RYR3: variants seen among roughly 807,000 people sequenced by gnomAD.
RYR3 encodes brain ryanodine receptor-calcium release channel.
RYR3 carries 207 observed loss-of-function variants against 584.3 expected under a neutral mutation model. The observed-to-expected ratio is 0.35, with a 90% CI of 0.32 to 0.40. The LOEUF (loss-of-function observed/expected upper bound fraction) is 0.40, where lower values mean the gene tolerates loss of function less well. Ranked by LOEUF, RYR3 falls within the 10% of genes least tolerant of loss-of-function variation. The pLI is 1.00. For missense variants in RYR3, 5,616 were observed against 6,089.2 expected (o/e 0.92, Z 2.59); for synonymous variants, 2,416 against 2,248.5 (o/e 1.07, Z -2.11).
At chr15:33,685,489 T>C (rs2064934180) in intron 38 of RYR3, among the ~76,000 whole-genome samples, 1 of 152,046 alleles carries the variant, frequency 6.6e-6, no homozygotes, top group Admixed American at 6.5e-5. Flanking sequence ...TCCCACACAA[T>C]AATAATGGGA....
chr15:33,704,745 G>A (rs16957666), intron 42 of RYR3, among the ~76,000 whole-genome samples: 15,638 of 152,180 alleles, frequency 0.1, 2,041 homozygotes, highest in African/African-American at 0.31. Context: ...TTTTGAAACA[G>A]TGTTGCTCAG....
At chr15:33,529,856 G>A (rs921100610) in intron 3 of RYR3, among the ~76,000 whole-genome samples, 6 of 152,262 alleles carry the variant, frequency 3.9e-5, no homozygotes, top group South Asian at 4.2e-4. Context: ...GCATGGTGAC[G>A]TGTGAATCAG....
chr15:33,465,890 TTTC>T (rs1420534614), intron 1 of RYR3: 7 of 468,566 alleles, frequency 1.5e-5, no homozygotes, highest in Non-Finnish European at 2.6e-5. Context: ...CCTCCCTTCC[TTTC>T]TTCATCTCTC....
intron 1 of RYR3, among the ~76,000 whole-genome samples, chr15:33,364,325 T>A (rs772401038): frequency 2.6e-5 from 4 of 152,208 alleles, no homozygotes; most frequent in Non-Finnish European, 4.4e-5. Context: ...CTCTCCTTTT[T>A]CTCTGAGTTT....
At chr15:33,651,088 G>T (rs886195533) in intron 31 of RYR3, among the ~76,000 whole-genome samples, 5 of 152,144 alleles carry the variant, frequency 3.3e-5, no homozygotes, top group East Asian at 1.9e-4. Context: ...AGCCTCAGTG[G>T]CCATACTTAC....
At chr15:33,659,307 T>C (rs1167172198) in intron 32 of RYR3, among the ~76,000 whole-genome samples, 2 of 152,218 alleles carry the variant, frequency 1.3e-5, no homozygotes, top group Non-Finnish European at 2.9e-5. Context: ...TCATCTCCTA[T>C]GGGCAGGTGT....
chr15:33,853,545 T>C lies in RYR3; in HGVS notation c.13672-10T>C, dbSNP rs1424005955. On this transcript the variant is annotated splice_polypyrimidine_tract_variant and intron_variant, in intron 95 of 103. Transcript: ENST00000634891. ...GTGGCCTGAGCTCACCCTGTCATCC[T>C]TTGCTTCAGGTGATCAACAAGTATG... 2.5e-6 allele frequency: 4 copies of C among 1,612,788 alleles called. No homozygotes were observed. Among genetic ancestry groups the C allele is most frequent in the South Asian group, 2.2e-5 (2 of 90,972 alleles).
At chr15:33,590,397 G>A (rs889182854) in intron 16 of RYR3, among the ~76,000 whole-genome samples, 1 of 152,036 alleles carries the variant, frequency 6.6e-6, no homozygotes, top group African/African-American at 2.4e-5. Flanking sequence ...GTTCTTTTTT[G>A]GTTACATATG....
At chr15:33,417,863 T>C (rs1162949512) in intron 1 of RYR3, among the ~76,000 whole-genome samples, 7 of 152,188 alleles carry the variant, frequency 4.6e-5, no homozygotes, top group Non-Finnish European at 1.0e-4. Context: ...GTTCCTTTGA[T>C]GCCTAGTTTG....
intron 35 of RYR3, among the ~76,000 whole-genome samples, 199 bp downstream of exon 35, chr15:33,663,147 C>T (rs8042822): frequency 0.046 from 6,941 of 152,162 alleles, 512 homozygotes; most frequent in African/African-American, 0.16. Flanking sequence ...CAATCCAAAA[C>T]AACTCATCCC....
At chr15:33,688,305 G>T (rs1199948295) in intron 38 of RYR3, among the ~76,000 whole-genome samples, 1 of 152,178 alleles carries the variant, frequency 6.6e-6, no homozygotes, top group Non-Finnish European at 1.5e-5. Flanking sequence ...TGGGCACGGT[G>T]GCTCACACCT....
intron 9 of RYR3, 57 bp downstream of exon 9, chr15:33,548,261 C>A: frequency 1.9e-6 from 2 of 1,060,678 alleles, no homozygotes. Flanking sequence ...CAGTACAGGC[C>A]GTTCTCTTAA....
intron 27 of RYR3, among the ~76,000 whole-genome samples, chr15:33,642,451 G>T (rs1256219163): frequency 2.0e-5 from 3 of 152,188 alleles, no homozygotes; most frequent in African/African-American, 7.2e-5. Context: ...ATACTGTCTT[G>T]AGATTAGGTA....
intron 34 of RYR3, among the ~76,000 whole-genome samples, chr15:33,661,208 G>A (rs541166560): frequency 3.3e-5 from 5 of 152,190 alleles, no homozygotes; most frequent in South Asian, 2.1e-4. Flanking sequence ...ATGAGGAGTC[G>A]TGAGACTAAA....
At position 33,823,043 on chromosome 15, in the gene RYR3, A is replaced by T; in HGVS notation, c.11043A>T (p.Gln3681His). Residue 3681 changes from glutamine (Q) to histidine (H), a missense_variant, in exon 81 of 104, where the codon CAA (glutamine) becomes CAT (histidine). Transcript: ENST00000634891. ...AGAAAAAGGATGCTGGATTCTTTCA[A>T]AGCCTTTCTGGTCTTATGCAGTCTT... ...LKEKKDAGFF[Q>H]SLSGLMQSCS... 1 of 1,613,616 alleles carries T rather than the reference A, an allele frequency of 6.2e-7. No homozygotes were observed. Among genetic ancestry groups the T allele is most frequent in the Non-Finnish European group, 8.5e-7 (1 of 1,179,688 alleles).
At chr15:33,533,553 T>TA (rs1304189824) in intron 5 of RYR3, among the ~76,000 whole-genome samples, 164 bp downstream of exon 5, 1 of 152,166 alleles carries the variant, frequency 6.6e-6, no homozygotes, top group African/African-American at 2.4e-5. Flanking sequence ...AAAGAATGTG[T>TA]AATGGAAACA....
chr15:33,472,631 CTG>C (rs907814601), intron 1 of RYR3, among the ~76,000 whole-genome samples: 3 of 152,212 alleles, frequency 2.0e-5, no homozygotes, highest in African/African-American at 7.2e-5. Context: ...AGTAAGGAAA[CTG>C]TTTTCCTCTC....
intron 5 of RYR3, among the ~76,000 whole-genome samples, chr15:33,537,600 A>G (rs2055438571): frequency 6.6e-6 from 1 of 152,174 alleles, no homozygotes; most frequent in South Asian, 2.1e-4. Context: ...TGAGAAGTCT[A>G]CATTCTGATT....
chr15:33,760,402 G>C (rs1205928634), intron 60 of RYR3, among the ~76,000 whole-genome samples: 1 of 152,060 alleles, frequency 6.6e-6, no homozygotes, highest in Non-Finnish European at 1.5e-5. Flanking sequence ...TAAAGGGATG[G>C]AGAAATATTT....
Sources: gnomAD v4.1 joint callset for allele counts (sites outside exome capture counted in the v4.1 genomes callset) on GRCh38, gnomAD v4.1.1 for gene constraint, MANE v1.5 for transcripts, NCBI Gene and HGNC (gene_info 2026-07-23, HGNC 2026-07-21) for gene names.